Variants in PRIM2 observed in about 807,000 individuals in gnomAD.
The protein encoded by PRIM2 is DNA primase subunit 2, also known as DNA primase large subunit.
A neutral mutation model predicts 67.3 loss-of-function variants in PRIM2; 39 were observed. The ratio of observed to expected loss-of-function variants is 0.58; its 90% CI spans 0.45 to 0.76. The LOEUF is 0.76. PRIM2 is among the 30% of genes least tolerant of loss of function. The pLI, the probability that PRIM2 is intolerant of heterozygous loss-of-function variation, is 0.00. For missense variants in PRIM2, 398 were observed against 598.7 expected (o/e 0.66, Z 3.50); for synonymous variants, 143 against 198.7 (o/e 0.72, Z 2.36).
chr6:57,476,395 C>A (rs1372048106), intron 7 of PRIM2, among the ~76,000 whole-genome samples: 1 of 152,150 alleles, frequency 6.6e-6, no homozygotes, highest in Non-Finnish European at 1.5e-5. Flanking sequence ...GTAGCTTTTG[C>A]AGACCCTGAT....
chr6:57,418,396 T>G (rs958952278), intron 7 of PRIM2, among the ~76,000 whole-genome samples: 1,517 of 120,262 alleles, frequency 0.013, 88 homozygotes, highest in African/African-American at 0.04. Context: ...TTTTTTTTTT[T>G]TTTTTTTTTT....
chr6:57,547,285 G>C (rs1380303498), intron 10 of PRIM2, among the ~76,000 whole-genome samples: 2 of 151,798 alleles, frequency 1.3e-5, no homozygotes, highest in African/African-American at 2.4e-5. Context: ...TAGATATAGG[G>C]GGTACATGTG....
At chr6:57,308,233 C>T in the PRIM2 span, among the ~76,000 whole-genome samples, 3 of 152,096 alleles carry the variant, frequency 2.0e-5, no homozygotes, top group Admixed American at 6.5e-5. Context: ...GGTGATCCTC[C>T]CACCTCAGCC....
At chr6:57,639,898 T>C (rs1777199319) in intron 13 of PRIM2, among the ~76,000 whole-genome samples, 1 of 151,814 alleles carries the variant, frequency 6.6e-6, no homozygotes, top group Non-Finnish European at 1.5e-5. Context: ...GCCAGCATCA[T>C]CCTGATTCTG....
the PRIM2 span, among the ~76,000 whole-genome samples, chr6:57,294,133 G>A: frequency 6.6e-6 from 1 of 152,128 alleles, no homozygotes; most frequent in Non-Finnish European, 1.5e-5. Flanking sequence ...TGTATTTATT[G>A]ATATTGCAGG....
chr6:57,642,181 G>A (rs1178703688), intron 13 of PRIM2, among the ~76,000 whole-genome samples: 1 of 152,042 alleles, frequency 6.6e-6, no homozygotes. Context: ...GTTGAACAAT[G>A]AGAACACATG....
chr6:57,524,037 G>A (rs1172994443), intron 8 of PRIM2, among the ~76,000 whole-genome samples: 2 of 151,886 alleles, frequency 1.3e-5, no homozygotes, highest in Non-Finnish European at 2.9e-5. Flanking sequence ...GACAGTATTT[G>A]GGGGAAACTC....
At chr6:57,505,888 A>G (rs1274557047) in intron 7 of PRIM2, among the ~76,000 whole-genome samples, 3 of 152,136 alleles carry the variant, frequency 2.0e-5, no homozygotes, top group African/African-American at 7.2e-5. Context: ...CTCTGTTTTC[A>G]GAGAACTGAC....
intron 5 of PRIM2, among the ~76,000 whole-genome samples, chr6:57,366,797 G>A (rs1278739167): frequency 1.3e-5 from 2 of 152,168 alleles, no homozygotes; most frequent in Non-Finnish European, 2.9e-5. Flanking sequence ...GAAACGTGGA[G>A]AGCAATAATC....
At chr6:57,446,433 T>TTTTTTTTTTTTTTTTTTA (rs1772369420) in intron 7 of PRIM2, among the ~76,000 whole-genome samples, 7 of 143,404 alleles carry the variant, frequency 4.9e-5, no homozygotes, top group African/African-American at 7.8e-5. Context: ...TTTTTTTTTT[T>TTTTTTTTTTTTTTTTTTA]GAGACAGTCT....
chr6:57,281,746 G>A, the PRIM2 span, among the ~76,000 whole-genome samples: 4 of 152,154 alleles, frequency 2.6e-5, no homozygotes, highest in Admixed American at 2.6e-4. Context: ...AGCTTAGCCT[G>A]CATGTGGGAG....
chr6:57,500,450 G>C (rs1286807719), intron 7 of PRIM2, among the ~76,000 whole-genome samples: 1 of 152,196 alleles, frequency 6.6e-6, no homozygotes, highest in African/African-American at 2.4e-5. Flanking sequence ...AAAAGGGTCA[G>C]AGTCTAGTTG....
chr6:57,414,069 A>G (rs565485328), intron 7 of PRIM2, among the ~76,000 whole-genome samples: 8 of 152,260 alleles, frequency 5.3e-5, no homozygotes, highest in African/African-American at 1.9e-4. Flanking sequence ...GGGGGAAACA[A>G]GCGTTTGGTT....
At chr6:57,262,322 CT>C in the PRIM2 span, among the ~76,000 whole-genome samples, 9 of 151,688 alleles carry the variant, frequency 5.9e-5, no homozygotes, top group South Asian at 1.5e-3. Flanking sequence ...TGCCAGTTGT[CT>C]TTTTTTTTAC....
At chr6:57,395,455 G>A (rs1436729740) in intron 7 of PRIM2, among the ~76,000 whole-genome samples, 1 of 152,164 alleles carries the variant, frequency 6.6e-6, no homozygotes, top group Non-Finnish European at 1.5e-5. Flanking sequence ...GCATAAAGGT[G>A]TTCATAGTAG....
At chr6:57,331,371 G>A (rs963913394) in intron 5 of PRIM2, among the ~76,000 whole-genome samples, 7 of 151,956 alleles carry the variant, frequency 4.6e-5, no homozygotes, top group African/African-American at 1.2e-4. Flanking sequence ...CTGGTCTGTA[G>A]GTTTTTTGTG....
At chr6:57,286,423 G>A in the PRIM2 span, among the ~76,000 whole-genome samples, 3 of 151,992 alleles carry the variant, frequency 2.0e-5, 1 homozygote, top group African/African-American at 7.3e-5. Flanking sequence ...TAGACAAATG[G>A]AACAGAACAG....
chr6:57,352,729 GT>G (rs34478755), intron 5 of PRIM2, among the ~76,000 whole-genome samples: 3 of 150,926 alleles, frequency 2.0e-5, no homozygotes, highest in East Asian at 3.9e-4. Flanking sequence ...CCGTTTTTTA[GT>G]TTTTTTTTCT....
chr6:57,455,046 C>T (rs1772713630), intron 7 of PRIM2, among the ~76,000 whole-genome samples: 1 of 152,084 alleles, frequency 6.6e-6, no homozygotes, highest in Non-Finnish European at 1.5e-5. Flanking sequence ...ATTATGTACC[C>T]AGTAGTCATT....
Sources: allele counts gnomAD v4.1 joint callset (sites outside exome capture counted in the v4.1 genomes callset), GRCh38; gene constraint gnomAD v4.1.1; transcripts MANE v1.5; gene names NCBI Gene and HGNC (gene_info 2026-07-23, HGNC 2026-07-21).